GRIN3B: variants seen among roughly 807,000 people sequenced by gnomAD.
GRIN3B encodes glutamate receptor ionotropic, NMDA 3B.
GRIN3B carries 77 observed loss-of-function variants against 66.0 expected under a neutral mutation model. The observed-to-expected ratio is 1.17, with a 90% CI of 0.97 to 1.41. The LOEUF is 1.41. GRIN3B is among the 40% of genes most tolerant of loss of function. The probability of loss-of-function intolerance (pLI) is 0.00; values close to 1 mark genes in which losing one functional copy is unlikely to be tolerated. For synonymous variants in GRIN3B, 823 were observed against 749.7 expected, an observed-to-expected ratio of 1.10 and a Z score of -1.60; for missense variants, 1,787 against 1,564.5, an observed-to-expected ratio of 1.14 and a Z score of -2.40.
rs1369396143 is a variant in GRIN3B at position 1,003,223 on chromosome 19, G to A, written c.520G>A (p.Val174Ile). Residue 174 changes from valine (V) to isoleucine (I), a missense_variant, in exon 2 of 9, where the codon GTC (valine) becomes ATC (isoleucine). By Grantham distance (29) the Val-to-Ile change is conservative (BLOSUM62 3). Transcript: ENST00000234389. ...GCTGCAGGCGCACGCCTGGGAAGAC[G>A]TCGGCCTGGCCCTGTGCCGCACTCA... ...AVLQAHAWED[V>I]GLALCRTQDP... 13 of 1,571,360 alleles carry A rather than the reference G, an allele frequency of 8.3e-6. No homozygotes were observed. In the Admixed American group the frequency reaches 9.1e-5, roughly 11 times the overall value.
In GRIN3B at chr19:1,000,723, G is replaced by A; in HGVS notation, c.286G>A (p.Val96Met). Residue 96 changes from valine to methionine, a missense_variant, in exon 1 of 9, where the codon GTG becomes ATG. Transcript: ENST00000234389. ...SLTRGLCQAL[V>M]PPGVAALLAF... Reference sequence around the variant, plus strand: ...GACCCGCGGCCTGTGCCAGGCGCTGGTGCCTCCGGGCGTGGCGGCCCTGCT... The same window carrying A: ...GACCCGCGGCCTGTGCCAGGCGCTGATGCCTCCGGGCGTGGCGGCCCTGCT... 4 of 1,427,438 alleles carry A rather than the reference G, an allele frequency of 2.8e-6. No homozygotes were observed. The highest frequency in any genetic ancestry group is 3.7e-6 in the Non-Finnish European group (4 of 1,093,232). The allele number at this position is 1,427,438 out of a possible 1,614,324, so 88.4% of individuals were successfully genotyped here.
At position 1,005,467 on chromosome 19, in the gene GRIN3B, G is replaced by T; in HGVS notation, c.1966G>T (p.Val656Leu). ...CCTCTGGGCCATCTTCTGCCTGCTG[G>T]TGCTGTCCAGCTACACGGCCAACCT... ...MNLWAIFCLLVLSSYTANLAA... is the reference protein window; with the variant it reads ...MNLWAIFCLLLLSSYTANLAA... Residue 656 changes from valine to leucine, a missense_variant, in exon 3 of 9, where the codon GTG becomes TTG. Coordinates refer to ENST00000234389, the MANE Select transcript of GRIN3B (RefSeq NM_138690.3). The surrounding 1 kb of genome is among the most constrained non-coding windows in gnomAD (Gnocchi z 5.2). 2.5e-6 allele frequency: 4 copies of T among 1,613,418 alleles called. No homozygotes were observed. Among genetic ancestry groups the T allele is most frequent in the Non-Finnish European group, 3.4e-6 (4 of 1,179,968 alleles).
chr19:1,001,763 A>G (rs2038686507), intron 1 of GRIN3B, among the ~76,000 whole-genome samples: 1 of 152,026 alleles, frequency 6.6e-6, no homozygotes, highest in Non-Finnish European at 1.5e-5. Context: ...CCAGGTGTCA[A>G]GGGGACCCCT....
At position 1,007,585 on chromosome 19, in the gene GRIN3B, TC is replaced by T; in HGVS notation, c.2053-41del. 1.4e-6 allele frequency: 2 copies of T among 1,438,478 alleles called. No homozygotes were observed. The highest frequency in any genetic ancestry group is 2.9e-5 in the East Asian group (1 of 34,856). The allele number at this position is 1,438,478 out of a possible 1,614,324, so 89.1% of individuals were successfully genotyped here. A position where few individuals can be genotyped will look rare whatever the true frequency, so the allele number is the denominator to read the frequency against. On this transcript the variant is annotated intron_variant, in intron 3 of 8. Transcript: ENST00000234389. This position sits in a 1 kb window ranked among gnomAD's most constrained non-coding sequence, Gnocchi z 4.4. ...CGGCGCGCCCCTCAATGGTCAGGGG[TC>T]CTGAGGGGCAGGCAGAGGCGCTGAC...
Position 1,008,034 on chromosome 19 carries a change from G to A in GRIN3B, c.2314+63G>A, listed in dbSNP as rs563753464. 2.1e-5 allele frequency: 34 copies of A among 1,587,026 alleles called. No individual in the cohort carries two copies. In the South Asian group the frequency reaches 3.8e-4, roughly 18 times the overall value. On this transcript the variant is annotated intron_variant, in intron 5 of 8. Transcript: ENST00000234389. ...CTGGGGACCTCCTGGGGGCAGTGGG[G>A]AGCCACGGAGGGTTCGAGGTGGGAA...
chr19:1,005,186 C>T lies in GRIN3B; in HGVS notation c.1685C>T (p.Thr562Met), dbSNP rs372884403. ...GGCATCATGGTGCGGGCACGGGACA[C>T]GGCCTCACCCATCGGTGCCTTTATG... ...SLGIMVRARD[T>M]ASPIGAFMWP... Residue 562 changes from threonine (T) to methionine (M), a missense_variant, in exon 3 of 9, where the codon ACG (threonine) becomes ATG (methionine). Physicochemically the swap from Thr to Met is moderately conservative, Grantham distance 81 (BLOSUM62 -1). Coordinates refer to ENST00000234389, the MANE Select transcript of GRIN3B (RefSeq NM_138690.3). This position sits in a 1 kb window ranked among gnomAD's most constrained non-coding sequence, Gnocchi z 5.2. 149 of 1,613,428 alleles carry T rather than the reference C, an allele frequency of 9.2e-5. No individual in the cohort carries two copies. Among genetic ancestry groups the T allele is most frequent in the Middle Eastern group, 6.6e-4 (4 of 6,084 alleles).
In GRIN3B at chr19:1,009,228, G is replaced by C; in HGVS notation, c.2758G>C (p.Gly920Arg). 2 of 1,459,664 alleles carry C rather than the reference G, an allele frequency of 1.4e-6. No homozygotes were observed. Among genetic ancestry groups the C allele is most frequent in the Non-Finnish European group, 1.8e-6 (2 of 1,117,354 alleles). The allele number at this position is 1,459,664 out of a possible 1,614,324, so 90.4% of individuals were successfully genotyped here. Residue 920 changes from glycine (G) to arginine (R), a missense_variant, in exon 9 of 9, where the codon GGC becomes CGC. Coordinates refer to ENST00000234389, the MANE Select transcript of GRIN3B (RefSeq NM_138690.3). The stretch of plus-strand genomic sequence containing the variant: ...GCAGGACCAGCCAACGGCTCCGGAG[G>C]GCTGGAAACGGGCGCGCCGGGCCGT... Reference protein sequence around the residue: ...QQQDQPTAPEGWKRARRAVDK... With the variant: ...QQQDQPTAPERWKRARRAVDK...
At chr19:1,008,018 T>A (rs2038776739) in intron 5 of GRIN3B, 47 bp downstream of exon 5, 1 of 1,594,396 alleles carries the variant, frequency 6.3e-7, no homozygotes, top group Non-Finnish European at 8.6e-7. Flanking sequence ...TCTGGGGACC[T>A]CCTGGGGGCA....
In GRIN3B at chr19:1,005,333, G is replaced by A; in HGVS notation, c.1832G>A (p.Ser611Asn). Reference protein sequence around the residue: ...YGLTPRGRNRSTVFSYSSALN... With the variant: ...YGLTPRGRNRNTVFSYSSALN... ...CTCACGCCACGTGGCCGCAACCGCA[G>A]CACCGTCTTCTCCTACTCCTCAGCC... Residue 611 changes from serine to asparagine, a missense_variant, in exon 3 of 9, where the codon AGC becomes AAC. Ser to Asn is a conservative substitution (Grantham distance 46). Coordinates refer to ENST00000234389, the MANE Select transcript of GRIN3B (RefSeq NM_138690.3). The surrounding 1 kb of genome is among the most constrained non-coding windows in gnomAD (Gnocchi z 5.2). The A allele has an allele frequency of 2.5e-6, 4 of 1,613,762 alleles. No homozygotes were observed. The highest frequency in any genetic ancestry group is 3.4e-6 in the Non-Finnish European group (4 of 1,180,002).
rs144000255 is a variant in GRIN3B, at chr19:1,005,509, G to C, written c.2008G>C (p.Gly670Arg). ...GGCCAACCTGGCTGCCGTCATGGTC[G>C]GGGACAAGACCTTCGAGGAGCTGTC... ...YTANLAAVMV[G>R]DKTFEELSGI... The change falls in exon 3 of 9, where the codon GGG becomes CGG. Residue 670 changes from glycine to arginine, a missense_variant. By Grantham distance (125) the Gly-to-Arg change is moderately radical (BLOSUM62 -2). Coordinates refer to ENST00000234389, the MANE Select transcript of GRIN3B (RefSeq NM_138690.3). The surrounding 1 kb of genome is among the most constrained non-coding windows in gnomAD (Gnocchi z 5.2). 6.2e-7 allele frequency: 1 copy of C among 1,612,600 alleles called. No homozygotes were observed. Among genetic ancestry groups the C allele is most frequent in the South Asian group, 1.1e-5 (1 of 91,050 alleles).
Position 1,003,569 on chromosome 19 carries a change from T to C in GRIN3B, c.866T>C (p.Leu289Pro). The C allele has an allele frequency of 6.7e-7, 1 of 1,501,810 alleles. No individual in the cohort carries two copies. Among genetic ancestry groups the C allele is most frequent in the South Asian group, 1.3e-5 (1 of 79,276 alleles). 93.0% of individuals were successfully genotyped at this position (1,501,810 alleles called of 1,614,324 possible). A position where few individuals can be genotyped will look rare whatever the true frequency, so the allele number is the denominator to read the frequency against. Residue 289 changes from leucine (L) to proline (P), a missense_variant, in exon 2 of 9, where the codon CTG becomes CCG. Physicochemically the swap from Leu to Pro is moderately conservative, Grantham distance 98. Transcript: ENST00000234389. ...LALGEVARPP[L>P]EAAIHDIVQL... is the part of the protein sequence containing the mutation. Reference sequence around the variant, plus strand: ...CTGGGCGAGGTGGCACGACCCCCGCTGGAGGCCGCCATCCATGACATTGTG... The same window carrying C: ...CTGGGCGAGGTGGCACGACCCCCGCCGGAGGCCGCCATCCATGACATTGTG...
chr19:1,004,166 G>A (rs561282417), intron 2 of GRIN3B, among the ~76,000 whole-genome samples: 25 of 152,362 alleles, frequency 1.6e-4, no homozygotes, highest in Non-Finnish European at 2.2e-4. Context: ...CTCAGGGACA[G>A]CAGAGAACGA....
intron 3 of GRIN3B, among the ~76,000 whole-genome samples, chr19:1,006,367 G>A (rs547287252): frequency 1.3e-5 from 2 of 151,596 alleles, no homozygotes; most frequent in African/African-American, 2.4e-5. Context: ...GGCTGGTCTC[G>A]AACCCCTGAC....
At chr19:1,008,822 G>A (rs751834865) in intron 7 of GRIN3B, 35 bp from the exon 8 acceptor site, 16 of 911,384 alleles carry the variant, frequency 1.8e-5, no homozygotes, top group Non-Finnish European at 2.5e-5. Flanking sequence ...CACCCCCCCC[G>A]CCTCCTCGCC....
At chr19:1,009,107 C>A in intron 8 of GRIN3B, 66 bp from the exon 9 acceptor site, 1 of 1,446,678 alleles carries the variant, frequency 6.9e-7, no homozygotes, top group African/African-American at 1.4e-5. Flanking sequence ...TCAGCGGCCT[C>A]TGCAGAGGCC....
rs1421270013 is a variant in GRIN3B, at chr19:1,007,524, G to T, written c.2053-104G>T. ...TGGAGGCCAGGAATGCAGCCTCGGC[G>T]CCCTGCAGTGCCCAGGACGGCCCCA... On this transcript the variant is annotated intron_variant, in intron 3 of 8. Transcript: ENST00000234389. The surrounding 1 kb of genome is among the most constrained non-coding windows in gnomAD (Gnocchi z 4.4). The T allele has an allele frequency of 2.3e-6, 3 of 1,281,248 alleles. No homozygotes were observed. Among genetic ancestry groups the T allele is most frequent in the Non-Finnish European group, 3.0e-6 (3 of 998,412 alleles). The allele number at this position is 1,281,248 out of a possible 1,614,324, so 79.4% of individuals were successfully genotyped here.
rs59171594 is a variant in GRIN3B at position 1,004,075 on chromosome 19, A to T, written c.1019+353A>T. Among the ~76,000 whole-genome samples the T allele has an allele frequency of 3.4e-3, 519 of 152,298 alleles. 7 individuals are homozygous for T. The highest frequency in any genetic ancestry group is 0.012 in the African/African-American group (486 of 41,554). ...CTGCACTCCAGCCTGGGCAACAGGG[A>T]CCCTGTCTCAAACACACAAAGTCAG... On this transcript the variant is annotated intron_variant, in intron 2 of 8. Coordinates refer to ENST00000234389, the MANE Select transcript of GRIN3B (RefSeq NM_138690.3).
In GRIN3B at chr19:1,008,092, C is replaced by CCCTGGGGCTGTCCCA. The variant is rs748486255; in HGVS notation, c.2315-42_2315-28dup. ...AATCCCACGTGTGCGGGCAGAGTTC[C>CCCTGGGGCTGTCCCA]CCTGGGGCTGTCCCACCTGGCCCCA... On this transcript the variant is annotated intron_variant, in intron 5 of 8. Coordinates refer to ENST00000234389, the MANE Select transcript of GRIN3B (RefSeq NM_138690.3). 408 of 1,568,668 alleles carry CCCTGGGGCTGTCCCA rather than the reference C, an allele frequency of 2.6e-4. 1 individual carries two copies. The highest frequency in any genetic ancestry group is 3.5e-4 in the Non-Finnish European group (400 of 1,155,700).
Position 1,000,673 on chromosome 19 carries a change from C to G in GRIN3B, c.236C>G (p.Pro79Arg). 7.5e-7 allele frequency: 1 copy of G among 1,341,960 alleles called. No homozygotes were observed. Among genetic ancestry groups the G allele is most frequent in the Non-Finnish European group, 9.6e-7 (1 of 1,044,104 alleles). 83.1% of individuals were successfully genotyped at this position (1,341,960 alleles called of 1,614,324 possible). A position where few individuals can be genotyped will look rare whatever the true frequency, so the allele number is the denominator to read the frequency against. Reference sequence around the variant, plus strand: ...AGCTTGGAGCTGGTGGTCGCCGCGCCCCCCGCCCGCGACCCCGCCTCGCTG... The same window carrying G: ...AGCTTGGAGCTGGTGGTCGCCGCGCGCCCCGCCCGCGACCCCGCCTCGCTG... ...NLSLELVVAA[P>R]PARDPASLTR... The change falls in exon 1 of 9, where the codon CCC (proline) becomes CGC (arginine). Residue 79 changes from proline to arginine, a missense_variant. Coordinates refer to ENST00000234389, the MANE Select transcript of GRIN3B (RefSeq NM_138690.3).
Sources: gnomAD v4.1 joint callset for allele counts (sites outside exome capture counted in the v4.1 genomes callset) on GRCh38, gnomAD v4.1.1 for gene constraint, Gnocchi (gnomAD v3.1) non-coding constraint, MANE v1.5 for transcripts, NCBI Gene and HGNC (gene_info 2026-07-23, HGNC 2026-07-21) for gene names.